The following RBFOX3 variants were observed in gnomAD, a reference collection of about 807,000 sequenced individuals.
The protein encoded by RBFOX3 is RNA binding protein fox-1 homolog 3.
A neutral mutation model predicts 48.7 loss-of-function variants in RBFOX3; 17 were observed. That is an observed-to-expected ratio of 0.35 (90% CI 0.24 to 0.52). The LOEUF (loss-of-function observed/expected upper bound fraction) is 0.52. Ranked by LOEUF, RBFOX3 falls within the 20% of genes least tolerant of loss-of-function variation. The pLI is 0.94. For missense variants in RBFOX3, 382 were observed against 497.5 expected (o/e 0.77, Z 2.21); for synonymous variants, 212 against 209.5 (o/e 1.01, Z -0.10).
chr17:79,133,569 G>A (rs535110858), intron 4 of RBFOX3, among the ~76,000 whole-genome samples: 1 of 152,264 alleles, frequency 6.6e-6, no homozygotes, highest in Admixed American at 6.5e-5. Context: ...CCTCCTCTGG[G>A]AAGCCTTCCA....
the RBFOX3 span, among the ~76,000 whole-genome samples, chr17:79,663,305 C>T: frequency 1.3e-5 from 2 of 152,092 alleles, no homozygotes; most frequent in African/African-American, 4.8e-5. Context: ...TGATGAAGTC[C>T]CAGGTGACTG....
intron 2 of RBFOX3, among the ~76,000 whole-genome samples, chr17:79,313,550 C>T (rs993636102): frequency 6.6e-6 from 1 of 152,218 alleles, no homozygotes; most frequent in African/African-American, 2.4e-5. Context: ...AGAACCCCTA[C>T]AATCCTGACG....
intron 4 of RBFOX3, among the ~76,000 whole-genome samples, chr17:79,176,484 T>C (rs2050568835): frequency 6.6e-6 from 1 of 152,222 alleles, no homozygotes; most frequent in African/African-American, 2.4e-5. Flanking sequence ...TGGGTCTCCT[T>C]CCAGAGCCGA....
chr17:79,153,800 T>C (rs1374747785), intron 4 of RBFOX3, among the ~76,000 whole-genome samples: 3 of 152,100 alleles, frequency 2.0e-5, no homozygotes, highest in African/African-American at 7.2e-5. Context: ...GCTGGGACCA[T>C]GGATGTTGAT....
chr17:79,210,571 C>T (rs534287680), intron 4 of RBFOX3, among the ~76,000 whole-genome samples: 5 of 152,350 alleles, frequency 3.3e-5, no homozygotes, highest in South Asian at 2.1e-4. Flanking sequence ...TATCTTGGCA[C>T]GTCCAGCTTT....
chr17:79,547,190 A>G (rs2090556813), intron 1 of RBFOX3, among the ~76,000 whole-genome samples: 1 of 152,148 alleles, frequency 6.6e-6, no homozygotes, highest in African/African-American at 2.4e-5. Flanking sequence ...CTATTAAAAA[A>G]TCACTCACGC....
rs372091428 is a variant in RBFOX3, at chr17:79,097,805, G to A, written c.569-60C>T. The A allele has an allele frequency of 1.3e-5, 20 of 1,513,658 alleles. No homozygotes were observed. The Admixed American group carries it at 2.0e-4, about 15-fold the overall frequency. 93.8% of individuals were successfully genotyped at this position (1,513,658 alleles called of 1,614,324 possible). On this transcript the variant is annotated intron_variant, in intron 9 of 14. Coordinates refer to ENST00000693108, the MANE Select transcript of RBFOX3 (RefSeq NM_001350451.2). ...TCCCCGACCCTTTTCCCACCAAAAC[G>A]TATGCCTGGGAACCCCAGCGACACC...
At chr17:79,568,151 G>T (rs2092538340) in intron 1 of RBFOX3, among the ~76,000 whole-genome samples, 1 of 152,082 alleles carries the variant, frequency 6.6e-6, no homozygotes, top group South Asian at 2.1e-4. Context: ...CCCAAGCTGG[G>T]GTGACACACA....
rs1267878690 is a variant in RBFOX3 at position 79,484,372 on chromosome 17, G to T, written c.-319-1774C>A. Among the ~76,000 whole-genome samples, 11 of 152,324 alleles carry T rather than the reference G, an allele frequency of 7.2e-5. No homozygotes were observed. The East Asian group carries it at 2.1e-3, about 29-fold the overall frequency. On this transcript the variant is annotated intron_variant, in intron 1 of 14. Transcript: ENST00000693108. ...ATTGGTACAGAGCCCAGTGCCCACT[G>T]CTGGGTGTGGGAGCCACTCTTCAAT... is the stretch of plus-strand genomic sequence containing the variant.
chr17:79,126,187 A>G (rs1452596714), intron 4 of RBFOX3, among the ~76,000 whole-genome samples: 1 of 152,214 alleles, frequency 6.6e-6, no homozygotes, highest in Non-Finnish European at 1.5e-5. Context: ...ATGCGGTTGG[A>G]ACACAGACGT....
chr17:79,412,482 T>C (rs978738464), intron 2 of RBFOX3, among the ~76,000 whole-genome samples: 15 of 151,822 alleles, frequency 9.9e-5, no homozygotes, highest in African/African-American at 3.4e-4. Flanking sequence ...CATATGCACA[T>C]ATGTATACAT....
chr17:79,319,888 CTTTCTGGGCTGCTGGTCTA>C (rs2078216241), intron 2 of RBFOX3, among the ~76,000 whole-genome samples: 1 of 18,142 alleles, frequency 5.5e-5, no homozygotes, highest in Non-Finnish European at 1.3e-4. Context: ...GCTGCTGGTC[CTTTCTGGGCTGCTGGTCTA>C]TGTCTGGGCT....
chr17:79,281,468 C>G (rs968185214), intron 3 of RBFOX3, among the ~76,000 whole-genome samples: 3 of 151,418 alleles, frequency 2.0e-5, no homozygotes, highest in African/African-American at 7.3e-5. Context: ...TATCCAGACG[C>G]CTTGGGGCTG....
At chr17:79,119,479 T>C (rs1237061949) in intron 4 of RBFOX3, among the ~76,000 whole-genome samples, 1 of 152,054 alleles carries the variant, frequency 6.6e-6, no homozygotes, top group Non-Finnish European at 1.5e-5. Flanking sequence ...ACCCACCATA[T>C]GCACCTCCAC....
the RBFOX3 span, among the ~76,000 whole-genome samples, chr17:79,624,927 G>T: frequency 6.6e-6 from 1 of 151,808 alleles, no homozygotes; most frequent in East Asian, 2.0e-4. Flanking sequence ...CGCCCCAAGG[G>T]CAGGACTCCT....
At chr17:79,101,686 G>A (rs1023780833) in intron 8 of RBFOX3, 42 bp from the exon 9 acceptor site, 5 of 1,526,856 alleles carry the variant, frequency 3.3e-6, no homozygotes, top group Non-Finnish European at 4.4e-6. Flanking sequence ...GGGAGGATTA[G>A]CCTCCTGGAA....
chr17:79,291,352 C>T (rs79823182), intron 3 of RBFOX3, among the ~76,000 whole-genome samples: 3 of 152,194 alleles, frequency 2.0e-5, no homozygotes, highest in African/African-American at 7.2e-5. Flanking sequence ...GTAGCTCCAT[C>T]AGCTAGGTTA....
At chr17:79,371,015 G>A (rs2058467104) in intron 2 of RBFOX3, among the ~76,000 whole-genome samples, 1 of 152,224 alleles carries the variant, frequency 6.6e-6, no homozygotes, top group Non-Finnish European at 1.5e-5. Context: ...GGTTAGGGAG[G>A]GAAGGGGGAC....
the RBFOX3 span, among the ~76,000 whole-genome samples, chr17:79,637,264 A>C: frequency 6.6e-6 from 1 of 152,182 alleles, no homozygotes; most frequent in Non-Finnish European, 1.5e-5. Context: ...AAAATCAATA[A>C]GGAAACAGCA....
Sources: allele counts gnomAD v4.1 joint callset (sites outside exome capture counted in the v4.1 genomes callset), GRCh38; gene constraint gnomAD v4.1.1; transcripts MANE v1.5; gene names NCBI Gene and HGNC (gene_info 2026-07-23, HGNC 2026-07-21).